The following M1AP variants were observed in gnomAD, a reference collection of about 807,000 sequenced individuals.
The protein encoded by M1AP is meiosis 1 arrest protein.
M1AP carries 39 observed loss-of-function variants against 51.2 expected under a neutral mutation model. The observed-to-expected ratio is 0.76, with a 90% CI of 0.59 to 1.00. The LOEUF (loss-of-function observed/expected upper bound fraction) is 1.00. Among genes scored for constraint, M1AP ranks in the 50% least tolerant of loss-of-function variants. The pLI is 0.00. For missense variants in M1AP, 545 were observed against 641.2 expected (o/e 0.85, Z 1.62); for synonymous variants, 251 against 249.2 (o/e 1.01, Z -0.07).
chr2:74,601,769 A>C (rs533674951), intron 4 of M1AP, among the ~76,000 whole-genome samples: 1 of 152,322 alleles, frequency 6.6e-6, no homozygotes, highest in South Asian at 2.1e-4. Flanking sequence ...ACCTTTTCAT[A>C]TTAGATCCTG....
rs1363331914 is a variant in M1AP at position 74,641,765 on chromosome 2, C to T, written c.-52-1438G>A. On this transcript the variant is annotated intron_variant, in intron 1 of 10. Transcript: ENST00000421985. Reference sequence around the variant, plus strand: ...TGCTGGGATTACAGGTGTGAGCCACCGCGCCCAGCCAAGAATTTCAATCTT... The same window carrying T: ...TGCTGGGATTACAGGTGTGAGCCACTGCGCCCAGCCAAGAATTTCAATCTT... 3.3e-5 allele frequency among the ~76,000 whole-genome samples: 5 copies of T among 150,278 alleles called. No individual in the cohort carries two copies. The East Asian group carries it at 5.9e-4, about 18-fold the overall frequency.
At chr2:74,585,184 G>C (rs1337410909) in intron 4 of M1AP, among the ~76,000 whole-genome samples, 1 of 152,140 alleles carries the variant, frequency 6.6e-6, no homozygotes, top group African/African-American at 2.4e-5. Context: ...TATTGGAAGG[G>C]GAGAGGGTTG....
At chr2:74,609,523 A>G (rs933448834) in intron 3 of M1AP, among the ~76,000 whole-genome samples, 1 of 152,176 alleles carries the variant, frequency 6.6e-6, no homozygotes, top group Admixed American at 6.5e-5. Flanking sequence ...TAAACCTGGG[A>G]GTGAAGATAT....
intron 2 of M1AP, among the ~76,000 whole-genome samples, chr2:74,635,633 T>G (rs893666280): frequency 1.3e-5 from 2 of 152,166 alleles, no homozygotes; most frequent in African/African-American, 4.8e-5. Context: ...TTCTCAGCAC[T>G]GCTTTACCTG....
At chr2:74,642,284 AC>A (rs1204406615) in intron 1 of M1AP, among the ~76,000 whole-genome samples, 6 of 152,128 alleles carry the variant, frequency 3.9e-5, no homozygotes, top group South Asian at 2.1e-4. Context: ...ACAAAAAAAA[AC>A]AGCATGACCA....
chr2:74,568,773 T>C (rs73949688), intron 7 of M1AP, among the ~76,000 whole-genome samples: 3,403 of 152,300 alleles, frequency 0.022, 119 homozygotes, highest in African/African-American at 0.078. Context: ...ATATACATAA[T>C]ACACCAGGCT....
At chr2:74,609,985 T>A (rs1006608676) in intron 3 of M1AP, among the ~76,000 whole-genome samples, 2 of 151,972 alleles carry the variant, frequency 1.3e-5, no homozygotes, top group Admixed American at 6.5e-5. Flanking sequence ...TTCCATTCTG[T>A]AGGCTCTTAC....
At chr2:74,638,702 A>G (rs1190172901) in intron 2 of M1AP, among the ~76,000 whole-genome samples, 1 of 152,182 alleles carries the variant, frequency 6.6e-6, no homozygotes, top group Non-Finnish European at 1.5e-5. Context: ...TGAATACGCC[A>G]TCTTGCAACT....
intron 4 of M1AP, among the ~76,000 whole-genome samples, chr2:74,602,196 C>G (rs934319018): frequency 6.6e-6 from 1 of 151,972 alleles, no homozygotes. Context: ...ATCACTCACA[C>G]AAATCATTTG....
In M1AP at chr2:74,563,822, C is replaced by T. The variant is rs13411769; in HGVS notation, c.1075-1399G>A. 9.9e-3 allele frequency among the ~76,000 whole-genome samples: 1,505 copies of T among 152,188 alleles called. 17 individuals are homozygous for T. The highest frequency in any genetic ancestry group is 0.021 in the African/African-American group (877 of 41,524). On this transcript the variant is annotated intron_variant, in intron 7 of 10. Transcript: ENST00000421985. ...TTAGGGCATGGGTAAGAAGAAGAGACAACCAGACTTCTGAGAAGATTTTGT... is the reference window on the plus strand; with the variant it reads ...TTAGGGCATGGGTAAGAAGAAGAGATAACCAGACTTCTGAGAAGATTTTGT...
chr2:74,637,175 T>A (rs985778524), intron 2 of M1AP, among the ~76,000 whole-genome samples: 2 of 152,250 alleles, frequency 1.3e-5, no homozygotes, highest in Admixed American at 1.3e-4. Flanking sequence ...GGATAGTTTC[T>A]ATTCCTATGT....
intron 5 of M1AP, among the ~76,000 whole-genome samples, chr2:74,580,962 C>T (rs1365022547): frequency 1.3e-5 from 2 of 152,260 alleles, no homozygotes; most frequent in African/African-American, 4.8e-5. Flanking sequence ...TCTGCAGGCC[C>T]AGCCACCCCA....
At chr2:74,631,317 ATTATCT>A (rs1333327091) in intron 2 of M1AP, among the ~76,000 whole-genome samples, 1 of 151,734 alleles carries the variant, frequency 6.6e-6, no homozygotes, top group African/African-American at 2.4e-5. Flanking sequence ...TGCTTTAGTG[ATTATCT>A]TTATAACTCT....
At chr2:74,622,377 T>C (rs563814262) in intron 2 of M1AP, among the ~76,000 whole-genome samples, 1 of 152,020 alleles carries the variant, frequency 6.6e-6, no homozygotes, top group East Asian at 2.0e-4. Context: ...TAGCTGGGAT[T>C]ATAGGTGGCT....
chr2:74,611,338 C>T (rs1459436567), intron 3 of M1AP, among the ~76,000 whole-genome samples: 1 of 152,172 alleles, frequency 6.6e-6, no homozygotes, highest in African/African-American at 2.4e-5. Flanking sequence ...CTTTTTATTA[C>T]TGATTCAATC....
chr2:74,630,304 A>G (rs1036259943), intron 2 of M1AP, among the ~76,000 whole-genome samples: 1 of 152,182 alleles, frequency 6.6e-6, no homozygotes, highest in Non-Finnish European at 1.5e-5. Flanking sequence ...TCTATGCTAA[A>G]TATCTTCAAT....
intron 2 of M1AP, among the ~76,000 whole-genome samples, chr2:74,621,962 A>G (rs2104768593): frequency 6.7e-6 from 1 of 148,624 alleles, no homozygotes; most frequent in Non-Finnish European, 1.5e-5. Flanking sequence ...AAAAAAAAAA[A>G]TACAAAAATG....
intron 4 of M1AP, among the ~76,000 whole-genome samples, chr2:74,599,052 C>A (rs546924041): frequency 1.3e-5 from 2 of 151,926 alleles, no homozygotes; most frequent in Admixed American, 6.6e-5. Context: ...CCGAGGTGGG[C>A]GGATCACCTG....
chr2:74,647,313 G>A, intron 1 of M1AP: 8 of 985,334 alleles, frequency 8.1e-6, no homozygotes, highest in Non-Finnish European at 9.6e-6. Context: ...TGCCTCTGCG[G>A]ATGTTCTGTT....
Sources: gnomAD v4.1 joint callset for allele counts (sites outside exome capture counted in the v4.1 genomes callset) on GRCh38, gnomAD v4.1.1 for gene constraint, MANE v1.5 for transcripts, NCBI Gene and HGNC (gene_info 2026-07-23, HGNC 2026-07-21) for gene names.